ATP6V1A: variants seen among roughly 807,000 people sequenced by gnomAD.
ATP6V1A encodes the protein V-type proton ATPase catalytic subunit A.
ATP6V1A carries 18 observed loss-of-function variants against 70.1 expected under a neutral mutation model. The ratio of observed to expected loss-of-function variants is 0.26; its 90% CI spans 0.18 to 0.38. The LOEUF is 0.38. Among genes scored for constraint, ATP6V1A ranks in the 10% least tolerant of loss-of-function variants. ATP6V1A has a pLI of 1.00. For synonymous variants in ATP6V1A, 232 were observed against 253.8 expected (o/e 0.91, Z 0.82); for missense variants, 424 against 772.4 (o/e 0.55, Z 5.35).
intron 1 of ATP6V1A, among the ~76,000 whole-genome samples, chr3:113,757,152 T>C (rs1432345359): frequency 6.6e-6 from 1 of 152,200 alleles, no homozygotes; most frequent in Admixed American, 6.5e-5. Context: ...CAGAATCTTC[T>C]CAGGTCCCAA....
intron 8 of ATP6V1A, among the ~76,000 whole-genome samples, chr3:113,793,438 C>T (rs1709119814): frequency 6.6e-6 from 1 of 152,162 alleles, no homozygotes; most frequent in South Asian, 2.1e-4. Context: ...TTGTTTATCT[C>T]TTGATTTTGT....
chr3:113,777,282 G>GA (rs1251054647), intron 1 of ATP6V1A, among the ~76,000 whole-genome samples: 2 of 151,962 alleles, frequency 1.3e-5, no homozygotes, highest in African/African-American at 4.8e-5. Flanking sequence ...AAGAAAAAAG[G>GA]AAAAACACTC....
Position 113,798,228 on chromosome 3 carries a change from G to A in ATP6V1A, c.1291-15G>A, listed in dbSNP as rs202148742. 4 of 1,610,108 alleles carry A rather than the reference G, an allele frequency of 2.5e-6. No homozygotes were observed. The highest frequency in any genetic ancestry group is 3.4e-6 in the Non-Finnish European group (4 of 1,177,230). On this transcript the variant is annotated splice_polypyrimidine_tract_variant and intron_variant, in intron 11 of 14. Transcript: ENST00000273398. ...GAAAAATTACTGTTTTTGTGTGTGT[G>A]TTTTTTTTAATCAGGTGTTCTGGGG...
intron 8 of ATP6V1A, among the ~76,000 whole-genome samples, chr3:113,792,355 A>G (rs1709105477): frequency 6.6e-6 from 1 of 151,096 alleles, no homozygotes; most frequent in Non-Finnish European, 1.5e-5. Flanking sequence ...TTTTTTCCTT[A>G]GAGACAGGGT....
At chr3:113,754,120 T>C (rs1708620614) in intron 1 of ATP6V1A, among the ~76,000 whole-genome samples, 1 of 152,212 alleles carries the variant, frequency 6.6e-6, no homozygotes, top group Non-Finnish European at 1.5e-5. Context: ...TACATGTCTG[T>C]GTATATGATG....
intron 2 of ATP6V1A, chr3:113,780,760 C>T: frequency 7.7e-7 from 1 of 1,307,130 alleles, no homozygotes; most frequent in East Asian, 5.0e-5. Flanking sequence ...TAGCAACTCT[C>T]AGAACATACC....
chr3:113,752,762 A>G (rs1461565213), intron 1 of ATP6V1A, among the ~76,000 whole-genome samples: 1 of 152,134 alleles, frequency 6.6e-6, no homozygotes, highest in Non-Finnish European at 1.5e-5. Flanking sequence ...AAGGGCACAT[A>G]TATATCATAA....
Position 113,750,045 on chromosome 3 carries a change from A to G in ATP6V1A, c.-14+2932A>G, listed in dbSNP as rs183798902. ...ATGAAAAAGTGGCTCTGCGTGATCT[A>G]TAAGTGGACTAGCACTAGACTAAAA... On this transcript the variant is annotated intron_variant, in intron 1 of 14. Coordinates refer to ENST00000273398, the MANE Select transcript of ATP6V1A (RefSeq NM_001690.4). Among the ~76,000 whole-genome samples the G allele has an allele frequency of 8.5e-5, 13 of 152,344 alleles. No homozygotes were observed. The East Asian group carries it at 1.7e-3, about 20-fold the overall frequency.
chr3:113,776,275 T>C (rs1708910955), intron 1 of ATP6V1A, among the ~76,000 whole-genome samples: 1 of 151,844 alleles, frequency 6.6e-6, no homozygotes, highest in Non-Finnish European at 1.5e-5. Context: ...CGGGGGCGGC[T>C]GAGGTGATCA....
chr3:113,782,701 G>A (rs943394631), intron 3 of ATP6V1A, among the ~76,000 whole-genome samples: 2 of 151,016 alleles, frequency 1.3e-5, no homozygotes, highest in African/African-American at 4.9e-5. Flanking sequence ...TCGGCTTACT[G>A]CAACCTCCGC....
chr3:113,755,424 G>A (rs535259424), intron 1 of ATP6V1A, among the ~76,000 whole-genome samples: 35 of 133,176 alleles, frequency 2.6e-4, no homozygotes, highest in Non-Finnish European at 4.4e-4. Flanking sequence ...GCAAAACCAT[G>A]TCTGTACAAA....
chr3:113,758,439 C>T (rs1708668397), intron 1 of ATP6V1A, among the ~76,000 whole-genome samples: 1 of 152,038 alleles, frequency 6.6e-6, no homozygotes, highest in African/African-American at 2.4e-5. Flanking sequence ...CCATACCTCC[C>T]CACCTCCTGT....
At chr3:113,791,540 C>T (rs778043410) in intron 8 of ATP6V1A, among the ~76,000 whole-genome samples, 18 of 151,938 alleles carry the variant, frequency 1.2e-4, no homozygotes, top group Non-Finnish European at 1.8e-4. Context: ...TACTATTACT[C>T]ATCTTTGTAG....
chr3:113,777,167 A>G (rs1380804066), intron 1 of ATP6V1A, among the ~76,000 whole-genome samples: 1 of 152,210 alleles, frequency 6.6e-6, no homozygotes, highest in Non-Finnish European at 1.5e-5. Context: ...GGCATCTGTT[A>G]CCAGTTTTCA....
At position 113,800,633 on chromosome 3, in the gene ATP6V1A, G is replaced by C. The variant is rs144386142; in HGVS notation, c.1494+2187G>C. On this transcript the variant is annotated intron_variant, in intron 12 of 14. Coordinates refer to ENST00000273398, the MANE Select transcript of ATP6V1A (RefSeq NM_001690.4). Reference sequence around the variant, plus strand: ...GAATCCAGATAGATTCATAATTTACGTGGGAAAGGTAAGACTTTCAGTTTG... The same window carrying C: ...GAATCCAGATAGATTCATAATTTACCTGGGAAAGGTAAGACTTTCAGTTTG... Among the ~76,000 whole-genome samples the C allele has an allele frequency of 1.8e-3, 269 of 152,268 alleles. 2 individuals carry two copies. The highest frequency in any genetic ancestry group is 6.2e-3 in the African/African-American group (259 of 41,554).
chr3:113,764,364 C>G (rs1559750457), intron 1 of ATP6V1A, among the ~76,000 whole-genome samples: 1 of 152,020 alleles, frequency 6.6e-6, no homozygotes, highest in Non-Finnish European at 1.5e-5. Context: ...GAATAGTATA[C>G]AGTTTAAGAT....
chr3:113,800,429 C>T (rs1197104104), intron 12 of ATP6V1A, among the ~76,000 whole-genome samples: 1 of 151,914 alleles, frequency 6.6e-6, no homozygotes, highest in Admixed American at 6.6e-5. Flanking sequence ...AACAGACCAG[C>T]GGACCAGTGG....
Position 113,805,369 on chromosome 3 carries a change from C to T in ATP6V1A, c.1605C>T (p.Tyr535=), listed in dbSNP as rs1209986257. Residue 535 remains tyrosine (Y), a synonymous_variant, in exon 14 of 15, where the codon TAC becomes TAT. Transcript: ENST00000273398. Reference sequence around the variant, plus strand: ...TTTATTCTAGGTTCTGCCCATTCTACAAGACAGTAGGGATGCTGTCCAACA... The same window carrying T: ...TTTATTCTAGGTTCTGCCCATTCTATAAGACAGTAGGGATGCTGTCCAACA... ...YTPYDRFCPF[Y]KTVGMLSNMI... The T allele has an allele frequency of 1.2e-6, 2 of 1,613,984 alleles. No individual in the cohort carries two copies. Among genetic ancestry groups the T allele is most frequent in the Admixed American group, 1.7e-5 (1 of 59,994 alleles).
rs528638642 is a variant in ATP6V1A, at chr3:113,795,445, T to G, written c.1226+241T>G. Among the ~76,000 whole-genome samples the G allele has an allele frequency of 2.4e-3, 368 of 151,736 alleles. 2 individuals carry two copies. The highest frequency in any genetic ancestry group is 3.5e-3 in the Non-Finnish European group (235 of 67,894). ...AATTTATATATTTATATGTTTAATT[T>G]AGATATTTATTTAATTTTTATAATT... On this transcript the variant is annotated intron_variant, in intron 10 of 14. Coordinates refer to ENST00000273398, the MANE Select transcript of ATP6V1A (RefSeq NM_001690.4).
Sources: allele counts gnomAD v4.1 joint callset (sites outside exome capture counted in the v4.1 genomes callset), GRCh38; gene constraint gnomAD v4.1.1; transcripts MANE v1.5; gene names NCBI Gene and HGNC (gene_info 2026-07-23, HGNC 2026-07-21).